The following RGS6 variants were observed in gnomAD, a reference collection of about 807,000 sequenced individuals.
RGS6 encodes the protein regulator of G protein signaling 6, also known as regulator of G-protein signaling 6.
RGS6 carries 30 observed loss-of-function variants against 78.5 expected under a neutral mutation model. The observed-to-expected ratio is 0.38, with a 90% CI of 0.29 to 0.52. The LOEUF is 0.52. Ranked by LOEUF, RGS6 falls within the 20% of genes least tolerant of loss-of-function variation. The pLI is 0.85. For missense variants in RGS6, 495 were observed against 609.7 expected (o/e 0.81, Z 1.98); for synonymous variants, 206 against 206.0 (o/e 1.00, Z 0.00).
At chr14:72,527,408 G>A (rs2097132446) in intron 15 of RGS6, among the ~76,000 whole-genome samples, 1 of 152,198 alleles carries the variant, frequency 6.6e-6, no homozygotes, top group Admixed American at 6.5e-5. Context: ...ACAGAGCTCT[G>A]GGTTCAAATC....
rs148287074 is a variant in RGS6, at chr14:72,358,189, G to C, written c.184+5995G>C. ...ATAGAAACACCTGGATGTCCAGGCA[G>C]AGGTGTGCTGCAGGGGCAGAGCCCT... On this transcript the variant is annotated intron_variant, in intron 3 of 17. Coordinates refer to ENST00000553525, the MANE Select transcript of RGS6 (RefSeq NM_001204424.2). 4.8e-3 allele frequency among the ~76,000 whole-genome samples: 725 copies of C among 152,342 alleles called. 6 individuals carry two copies. Among genetic ancestry groups the C allele is most frequent in the African/African-American group, 0.016 (673 of 41,578 alleles).
At chr14:72,454,719 A>G in intron 4 of RGS6, 141 bp downstream of exon 4, 1 of 614,464 alleles carries the variant, frequency 1.6e-6, no homozygotes, top group Admixed American at 3.2e-5. Flanking sequence ...CTCTATTTAC[A>G]AATAAAATTA....
intron 15 of RGS6, among the ~76,000 whole-genome samples, chr14:72,528,748 G>A (rs1337873095): frequency 6.6e-6 from 1 of 152,200 alleles, no homozygotes; most frequent in East Asian, 1.9e-4. Context: ...GGGCCAGCAC[G>A]CTTTTTCTCC....
intron 2 of RGS6, among the ~76,000 whole-genome samples, chr14:72,047,645 C>T (rs1236934676): frequency 1.3e-5 from 2 of 152,192 alleles, no homozygotes; most frequent in Non-Finnish European, 2.9e-5. Context: ...TCAGATATGG[C>T]ATTAACAGTG....
At chr14:72,614,829 G>T in the RGS6 span, among the ~76,000 whole-genome samples, 4 of 136,964 alleles carry the variant, frequency 2.9e-5, no homozygotes, top group Non-Finnish European at 6.1e-5. Flanking sequence ...CTGCCCTCCA[G>T]CTCCTTAGCT....
intron 2 of RGS6, among the ~76,000 whole-genome samples, chr14:72,333,597 C>T (rs1167935967): frequency 6.6e-6 from 1 of 152,250 alleles, no homozygotes; most frequent in African/African-American, 2.4e-5. Context: ...CAGCCACTCA[C>T]TGTGTTGCAG....
intron 3 of RGS6, among the ~76,000 whole-genome samples, chr14:72,425,386 A>C (rs1187451169): frequency 6.6e-6 from 1 of 151,988 alleles, no homozygotes; most frequent in African/African-American, 2.4e-5. Flanking sequence ...TGACCCACCC[A>C]CCTCAGCCTC....
chr14:72,540,375 G>A, intron 17 of RGS6: 1 of 1,455,792 alleles, frequency 6.9e-7, no homozygotes, highest in Non-Finnish European at 9.0e-7. Context: ...GGGCTTTGAG[G>A]AGGAGGGACC....
chr14:72,239,104 C>T (rs2052020945), intron 2 of RGS6, among the ~76,000 whole-genome samples: 1 of 152,118 alleles, frequency 6.6e-6, no homozygotes, highest in Non-Finnish European at 1.5e-5. Flanking sequence ...AAGGAAAATT[C>T]ACTTGGAAGA....
At chr14:72,296,526 A>G (rs1049363628) in intron 2 of RGS6, among the ~76,000 whole-genome samples, 1 of 152,072 alleles carries the variant, frequency 6.6e-6, no homozygotes, top group Non-Finnish European at 1.5e-5. Flanking sequence ...CAGCTATTCT[A>G]TTTGGTGTGT....
intron 2 of RGS6, among the ~76,000 whole-genome samples, chr14:72,097,795 A>G (rs1474779174): frequency 1.3e-5 from 2 of 151,990 alleles, no homozygotes; most frequent in Non-Finnish European, 2.9e-5. Context: ...CACACCCACA[A>G]TTCCTGTGCC....
intron 7 of RGS6, among the ~76,000 whole-genome samples, chr14:72,468,531 A>G (rs1367327054): frequency 6.6e-6 from 1 of 152,182 alleles, no homozygotes; most frequent in African/African-American, 2.4e-5. Flanking sequence ...ACAAAAATTC[A>G]AACAGCAAAG....
the RGS6 span, among the ~76,000 whole-genome samples, chr14:72,604,725 C>A: frequency 6.6e-6 from 1 of 152,232 alleles, no homozygotes; most frequent in South Asian, 2.1e-4. Flanking sequence ...CTCCTCCCAG[C>A]CCCCAGGGAG....
At chr14:72,536,073 C>G (rs890348786) in intron 15 of RGS6, 113 bp from the exon 16 acceptor site, 2 of 794,376 alleles carry the variant, frequency 2.5e-6, no homozygotes, top group African/African-American at 3.4e-5. Context: ...TACATGCAAA[C>G]ATACCTAGGT....
chr14:72,429,125 C>G (rs906257826), intron 3 of RGS6, among the ~76,000 whole-genome samples: 2 of 152,134 alleles, frequency 1.3e-5, no homozygotes, highest in Non-Finnish European at 2.9e-5. Context: ...TTGCTTGAAC[C>G]CAGGAGGCAG....
chr14:72,046,326 T>A (rs2153396259), intron 2 of RGS6, among the ~76,000 whole-genome samples: 1 of 152,040 alleles, frequency 6.6e-6, no homozygotes, highest in East Asian at 1.9e-4. Context: ...TAAACTCCCA[T>A]GTCCAATGTC....
At chr14:72,457,600 A>C (rs908927447) in intron 4 of RGS6, among the ~76,000 whole-genome samples, 1 of 151,622 alleles carries the variant, frequency 6.6e-6, no homozygotes, top group African/African-American at 2.4e-5. Context: ...TCAACTTTCT[A>C]TGTGCATCTA....
chr14:71,885,294 C>A, the RGS6 span, among the ~76,000 whole-genome samples: 1 of 152,226 alleles, frequency 6.6e-6, no homozygotes, highest in Non-Finnish European at 1.5e-5. Flanking sequence ...GGAAACCAAA[C>A]ATTTCTACTC....
intron 2 of RGS6, among the ~76,000 whole-genome samples, chr14:72,152,805 T>G (rs1031535702): frequency 2.0e-5 from 3 of 152,166 alleles, no homozygotes; most frequent in Non-Finnish European, 2.9e-5. Context: ...CTCCTTAGTT[T>G]AGCTAACATC....
Sources: gnomAD v4.1 joint callset for allele counts (sites outside exome capture counted in the v4.1 genomes callset) on GRCh38, gnomAD v4.1.1 for gene constraint, MANE v1.5 for transcripts, NCBI Gene and HGNC (gene_info 2026-07-23, HGNC 2026-07-21) for gene names.